The following FBXL17 variants were observed in gnomAD, a reference collection of about 807,000 sequenced individuals.
The protein encoded by FBXL17 is F-box and leucine rich repeat protein 17.
FBXL17 carries 22 observed loss-of-function variants against 66.2 expected under a neutral mutation model. The ratio of observed to expected loss-of-function variants is 0.33; its 90% CI spans 0.24 to 0.47. The LOEUF (loss-of-function observed/expected upper bound fraction) is 0.47, where lower values mean the gene tolerates loss of function less well. Ranked by LOEUF, FBXL17 falls within the 20% of genes least tolerant of loss-of-function variation. FBXL17 has a pLI of 1.00. For missense variants in FBXL17, 878 were observed against 948.2 expected (o/e 0.93, Z 0.97); for synonymous variants, 474 against 400.5 (o/e 1.18, Z -2.19).
At chr5:108,263,885 T>A (rs542030339) in intron 4 of FBXL17, among the ~76,000 whole-genome samples, 1 of 152,246 alleles carries the variant, frequency 6.6e-6, no homozygotes, top group South Asian at 2.1e-4. Flanking sequence ...ATCAGCAAAT[T>A]TCATTCTTAA....
intron 6 of FBXL17, among the ~76,000 whole-genome samples, chr5:108,166,234 G>T (rs1752410184): frequency 2.0e-5 from 3 of 152,118 alleles, no homozygotes; most frequent in South Asian, 4.1e-4. Flanking sequence ...AATAAAAATG[G>T]AATAAACAGC....
chr5:108,138,400 G>GTAAAAGAT (rs1214495805), intron 6 of FBXL17, among the ~76,000 whole-genome samples: 8 of 152,152 alleles, frequency 5.3e-5, no homozygotes, highest in African/African-American at 1.9e-4. Context: ...AATAACGTTG[G>GTAAAAGAT]TAAAAGATTT....
intron 6 of FBXL17, among the ~76,000 whole-genome samples, chr5:108,146,093 G>A (rs190078200): frequency 7.9e-5 from 12 of 152,088 alleles, no homozygotes; most frequent in East Asian, 1.9e-4. Flanking sequence ...TTAGCTGGGC[G>A]TGATAGCGGG....
chr5:108,230,036 C>A (rs1256199381), intron 4 of FBXL17, among the ~76,000 whole-genome samples: 1 of 151,992 alleles, frequency 6.6e-6, no homozygotes, highest in Non-Finnish European at 1.5e-5. Flanking sequence ...CTTAGTCCTG[C>A]AAAAATGACC....
intron 6 of FBXL17, among the ~76,000 whole-genome samples, chr5:108,084,029 C>T (rs1214709870): frequency 1.3e-5 from 2 of 152,144 alleles, no homozygotes; most frequent in Admixed American, 1.3e-4. Context: ...TGTGTTTAAT[C>T]GTTTTTACTT....
chr5:108,021,988 A>G (rs1176948713), intron 6 of FBXL17, among the ~76,000 whole-genome samples: 1 of 151,792 alleles, frequency 6.6e-6, no homozygotes, highest in African/African-American at 2.4e-5. Context: ...CCTATATTTT[A>G]TTTGCTGTCT....
intron 6 of FBXL17, among the ~76,000 whole-genome samples, chr5:108,101,970 G>A (rs990248256): frequency 2.6e-5 from 4 of 152,166 alleles, no homozygotes; most frequent in Non-Finnish European, 5.9e-5. Context: ...TGTGTGAATG[G>A]GTTCACAGGT....
intron 6 of FBXL17, among the ~76,000 whole-genome samples, chr5:108,157,326 G>A (rs1363268618): frequency 6.6e-6 from 1 of 151,782 alleles, no homozygotes; most frequent in Non-Finnish European, 1.5e-5. Context: ...CAACACAGTA[G>A]TATTAATACA....
intron 6 of FBXL17, among the ~76,000 whole-genome samples, chr5:108,101,446 T>C (rs772362185): frequency 5.3e-5 from 8 of 152,222 alleles, no homozygotes; most frequent in Non-Finnish European, 1.2e-4. Context: ...CAGTATAAAC[T>C]TAGTGCTGGG....
intron 6 of FBXL17, among the ~76,000 whole-genome samples, chr5:108,058,711 C>T (rs931729673): frequency 1.3e-5 from 2 of 152,118 alleles, no homozygotes; most frequent in African/African-American, 2.4e-5. Context: ...AACTGAAATG[C>T]AGGTGAATTT....
chr5:108,225,390 C>T (rs1755057977), intron 4 of FBXL17, among the ~76,000 whole-genome samples: 1 of 152,146 alleles, frequency 6.6e-6, no homozygotes. Flanking sequence ...AATGGGGCAG[C>T]TATTTCCAAT....
intron 7 of FBXL17, among the ~76,000 whole-genome samples, chr5:107,940,653 T>C (rs1253631369): frequency 6.6e-6 from 1 of 152,072 alleles, no homozygotes; most frequent in Non-Finnish European, 1.5e-5. Context: ...AGCATGAGCT[T>C]ATCTGGGAGG....
intron 7 of FBXL17, among the ~76,000 whole-genome samples, chr5:107,886,957 A>G (rs1358259347): frequency 6.6e-6 from 1 of 150,896 alleles, no homozygotes; most frequent in Non-Finnish European, 1.5e-5. Context: ...AAATTGGAGG[A>G]AACTAGGGTG....
chr5:108,235,396 G>T (rs568283501), intron 4 of FBXL17, among the ~76,000 whole-genome samples: 4 of 152,260 alleles, frequency 2.6e-5, no homozygotes, highest in South Asian at 4.1e-4. Context: ...GCACTGTAAA[G>T]ATGGCCTAGA....
chr5:108,172,321 A>C (rs1035117598), intron 6 of FBXL17, among the ~76,000 whole-genome samples: 1 of 152,190 alleles, frequency 6.6e-6, no homozygotes, highest in African/African-American at 2.4e-5. Flanking sequence ...AATTTCCACC[A>C]TATTCTATCA....
intron 4 of FBXL17, among the ~76,000 whole-genome samples, chr5:108,332,701 G>A (rs1466018824): frequency 6.6e-6 from 1 of 152,018 alleles, no homozygotes; most frequent in African/African-American, 2.4e-5. Context: ...TCCACTTCCT[G>A]GGTTCAAGCA....
chr5:108,060,038 TATTC>T (rs1166836742), intron 6 of FBXL17, among the ~76,000 whole-genome samples: 1 of 150,560 alleles, frequency 6.6e-6, no homozygotes, highest in African/African-American at 2.4e-5. Context: ...TATATTTACA[TATTC>T]ATTTACTGAA....
chr5:107,942,526 T>C (rs572194614), intron 7 of FBXL17, among the ~76,000 whole-genome samples: 1 of 152,282 alleles, frequency 6.6e-6, no homozygotes, highest in East Asian at 1.9e-4. Flanking sequence ...GATTTGCCCA[T>C]TACATTAGCT....
intron 4 of FBXL17, among the ~76,000 whole-genome samples, chr5:108,271,030 C>T (rs1230669229): frequency 1.3e-5 from 2 of 150,558 alleles, no homozygotes; most frequent in African/African-American, 2.4e-5. Flanking sequence ...CCAATAATTA[C>T]ATCCAATAGA....
Sources: allele counts gnomAD v4.1 joint callset (sites outside exome capture counted in the v4.1 genomes callset), GRCh38; gene constraint gnomAD v4.1.1; transcripts MANE v1.5; gene names NCBI Gene and HGNC (gene_info 2026-07-23, HGNC 2026-07-21).